HEATR6: variants seen among roughly 807,000 people sequenced by gnomAD.
HEATR6 encodes the protein HEAT repeat containing 6, also known as HEAT repeat-containing protein 6.
A neutral mutation model predicts 132.8 loss-of-function variants in HEATR6; 106 were observed. The observed-to-expected ratio is 0.80, with a 90% confidence interval of 0.68 to 0.94. The LOEUF (loss-of-function observed/expected upper bound fraction) is 0.94. Ranked by LOEUF, HEATR6 falls within the 40% of genes least tolerant of loss-of-function variation. The probability of loss-of-function intolerance (pLI) is 0.00; values close to 1 mark genes in which losing one functional copy is unlikely to be tolerated. For synonymous variants in HEATR6, 529 were observed against 537.8 expected, an observed-to-expected ratio of 0.98 and a Z score of 0.23; for missense variants, 1,339 against 1,425.1, an observed-to-expected ratio of 0.94 and a Z score of 0.97.
intron 19 of HEATR6, among the ~76,000 whole-genome samples, chr17:60,044,716 T>G (rs553846198): frequency 1.3e-5 from 2 of 152,224 alleles, no homozygotes; most frequent in Non-Finnish European, 2.9e-5. Flanking sequence ...CCAGAGCTAC[T>G]GCTACCCACT....
In HEATR6 at chr17:60,043,549, G is replaced by A. The variant is rs774552842; in HGVS notation, c.*14C>T. 1.9e-6 allele frequency: 3 copies of A among 1,595,002 alleles called. No individual in the cohort carries two copies. The highest frequency in any genetic ancestry group is 2.6e-6 in the Non-Finnish European group (3 of 1,166,360). On this transcript the variant is annotated 3_prime_UTR_variant, in exon 20 of 20. Coordinates refer to ENST00000184956, the MANE Select transcript of HEATR6 (RefSeq NM_022070.5). ...TACTGCCGCCTTCGACATCTAGAAA[G>A]TATGGTGGGATCTTCACTGATTTGT...
chr17:60,043,567 T>G lies in HEATR6; in HGVS notation c.3542A>C (p.Gln1181Pro). The G allele has an allele frequency of 6.2e-7, 1 of 1,607,112 alleles. No individual in the cohort carries two copies. Among genetic ancestry groups the G allele is most frequent in the Non-Finnish European group, 8.5e-7 (1 of 1,174,658 alleles). Residue 1181 changes from glutamine (Q) to proline (P), a missense_variant, in exon 20 of 20, where the codon CAG becomes CCG. Gln to Pro is a moderately conservative substitution (Grantham distance 76). Coordinates refer to ENST00000184956, the MANE Select transcript of HEATR6 (RefSeq NM_022070.5). The stretch of plus-strand genomic sequence containing the variant: ...CTAGAAAGTATGGTGGGATCTTCAC[T>G]GATTTGTTAACCCTGGGAGTGCCCC... ...SQGALPGLTNQ is the reference protein window; with the variant it reads ...SQGALPGLTNP
At position 60,059,946 on chromosome 17, in the gene HEATR6, G is replaced by A; in HGVS notation, c.1567C>T (p.Leu523Phe). ...ACSIRELHRCLLLALVAESSS... is the reference protein window; with the variant it reads ...ACSIRELHRCFLLALVAESSS... ...GACTCCGCCACCAAAGCTAACAAAA[G>A]ACATCTGTGCAACTCTCTAATGCTG... is the stretch of plus-strand genomic sequence containing the variant. Residue 523 changes from leucine (L) to phenylalanine (F), a missense_variant, in exon 10 of 20, where the codon CTT becomes TTT. Physicochemically the swap from Leu to Phe is conservative, Grantham distance 22. Coordinates refer to ENST00000184956, the MANE Select transcript of HEATR6 (RefSeq NM_022070.5). 6.2e-7 allele frequency: 1 copy of A among 1,613,844 alleles called. No homozygotes were observed. Among genetic ancestry groups the A allele is most frequent in the Non-Finnish European group, 8.5e-7 (1 of 1,179,830 alleles).
rs572529616 is a variant in HEATR6, at chr17:60,049,216, C to A, written c.2547+364G>T. On this transcript the variant is annotated intron_variant, in intron 16 of 19. Coordinates refer to ENST00000184956, the MANE Select transcript of HEATR6 (RefSeq NM_022070.5). ...TGATCTCTGCTCATTACAACCTTCA[C>A]ATCCCAGGCTCAAGTGAGCCTCCCA... Among the ~76,000 whole-genome samples, 11 of 151,070 alleles carry A rather than the reference C, an allele frequency of 7.3e-5. No individual in the cohort carries two copies. The East Asian group carries it at 2.1e-3, about 29-fold the overall frequency.
At chr17:60,074,150 A>G in intron 2 of HEATR6, 1 of 1,179,460 alleles carries the variant, frequency 8.5e-7, no homozygotes, top group Non-Finnish European at 1.0e-6. Flanking sequence ...AACTAACCAG[A>G]CATTGGCAGC....
Position 60,046,179 on chromosome 17 carries a change from T to A in HEATR6, c.2820A>T (p.Gln940His). 1 of 1,613,932 alleles carries A rather than the reference T, an allele frequency of 6.2e-7. No individual in the cohort carries two copies. Among genetic ancestry groups the A allele is most frequent in the Non-Finnish European group, 8.5e-7 (1 of 1,179,906 alleles). ...RALGNLLHFL[Q>H]PSHIEKPTFA... ...ATGTGGGTTTTTCTATATGAGAGGGTTGCAGAAAATGAAGCAAATTTCCAA... is the reference window on the plus strand; with the variant it reads ...ATGTGGGTTTTTCTATATGAGAGGGATGCAGAAAATGAAGCAAATTTCCAA... The change falls in exon 19 of 20, where the codon CAA becomes CAT. Residue 940 changes from glutamine (Q) to histidine (H), a missense_variant. Transcript: ENST00000184956.
chr17:60,045,717 T>C (rs569646720), intron 19 of HEATR6, among the ~76,000 whole-genome samples: 1 of 152,380 alleles, frequency 6.6e-6, no homozygotes, highest in African/African-American at 2.4e-5. Context: ...GTCTTTTTTC[T>C]ACCCATCTAT....
chr17:60,045,274 C>A (rs1231556701), intron 19 of HEATR6, among the ~76,000 whole-genome samples: 2 of 152,192 alleles, frequency 1.3e-5, no homozygotes, highest in East Asian at 3.8e-4. Flanking sequence ...ACGCTCTGGG[C>A]AATAAAGGGG....
chr17:60,054,284 T>C (rs1426827404), intron 14 of HEATR6, among the ~76,000 whole-genome samples: 1 of 152,228 alleles, frequency 6.6e-6, no homozygotes, highest in African/African-American at 2.4e-5. Flanking sequence ...CGAAGAAGGC[T>C]TGGGAGCTTC....
At chr17:60,044,864 C>T (rs1227590771) in intron 19 of HEATR6, among the ~76,000 whole-genome samples, 1 of 152,204 alleles carries the variant, frequency 6.6e-6, no homozygotes, top group Non-Finnish European at 1.5e-5. Context: ...ATGCCAGTGC[C>T]ATTGACAATG....
chr17:60,059,040 T>C (rs1397847006), intron 11 of HEATR6, among the ~76,000 whole-genome samples: 9 of 152,188 alleles, frequency 5.9e-5, no homozygotes, highest in African/African-American at 2.2e-4. Context: ...AAAAAGTAGA[T>C]AATATCTATC....
chr17:60,072,126 T>C, intron 5 of HEATR6, 89 bp downstream of exon 5: 1 of 514,042 alleles, frequency 1.9e-6, no homozygotes, highest in Non-Finnish European at 3.4e-6. Flanking sequence ...ACGAAGCTAA[T>C]GGTGCAAATT....
chr17:60,059,435 A>G lies in HEATR6; in HGVS notation c.1710T>C (p.Tyr570=), dbSNP rs1195971178. The G allele has an allele frequency of 6.2e-7, 1 of 1,611,226 alleles. No individual in the cohort carries two copies. Among genetic ancestry groups the G allele is most frequent in the Admixed American group, 1.7e-5 (1 of 59,786 alleles). Residue 570 remains tyrosine, a synonymous_variant, in exon 11 of 20, where the codon TAT becomes TAC. Coordinates refer to ENST00000184956, the MANE Select transcript of HEATR6 (RefSeq NM_022070.5). ...LTKVWNQIKP[Y]IRHKDVNVRV... is the part of the protein sequence containing the mutation. ...GCCACTACAAACCTTTGTGGCGAAT[A>G]TAAGGCTTTATCTGGTTCCAGACTT...
intron 4 of HEATR6, 57 bp from the exon 5 acceptor site, chr17:60,072,386 A>G (rs1189953906): frequency 8.9e-6 from 8 of 900,294 alleles, no homozygotes; most frequent in Middle Eastern, 2.2e-4. Flanking sequence ...TGAGGCTTGC[A>G]AAAGACTAAT....
intron 19 of HEATR6, among the ~76,000 whole-genome samples, chr17:60,044,440 T>C (rs572545237): frequency 2.0e-5 from 3 of 152,180 alleles, no homozygotes; most frequent in Non-Finnish European, 4.4e-5. Flanking sequence ...GGGAGGATTC[T>C]GTCCCGTTGG....
chr17:60,069,938 C>T, intron 6 of HEATR6, 90 bp from the exon 7 acceptor site: 1 of 1,470,292 alleles, frequency 6.8e-7, no homozygotes, highest in Non-Finnish European at 9.3e-7. Context: ...GAACTATTTA[C>T]CATGTCTGGA....
rs2083261571 is a variant in HEATR6, at chr17:60,069,808, A to T, written c.842T>A (p.Met281Lys). 1 of 1,614,096 alleles carries T rather than the reference A, an allele frequency of 6.2e-7. No individual in the cohort carries two copies. Among genetic ancestry groups the T allele is most frequent in the Non-Finnish European group, 8.5e-7 (1 of 1,179,992 alleles). Reference protein sequence around the residue: ...FHGLPGLNIEMPTVLYPTPLP... With the variant: ...FHGLPGLNIEKPTVLYPTPLP... ...CGGAGTTGGGTATAACACCGTGGGC[A>T]TCTCTATGTTTAGTCCAGGGAGTCC... The change falls in exon 7 of 20, where the codon ATG becomes AAG. Residue 281 changes from methionine to lysine, a missense_variant. Transcript: ENST00000184956.
intron 9 of HEATR6, chr17:60,063,191 T>C (rs2083221321): frequency 6.6e-6 from 1 of 152,210 alleles, no homozygotes; most frequent in Admixed American, 6.5e-5. Flanking sequence ...TCCAACCTTT[T>C]CATTCTCTTT....
intron 9 of HEATR6, among the ~76,000 whole-genome samples, chr17:60,065,000 G>A (rs1472928713): frequency 6.6e-6 from 1 of 152,102 alleles, no homozygotes; most frequent in Non-Finnish European, 1.5e-5. Flanking sequence ...GCCACTGCTG[G>A]CAGCTCCCCT....
Sources: allele counts gnomAD v4.1 joint callset (sites outside exome capture counted in the v4.1 genomes callset), GRCh38; gene constraint gnomAD v4.1.1; transcripts MANE v1.5; gene names NCBI Gene and HGNC (gene_info 2026-07-23, HGNC 2026-07-21).